The following SLC17A5 variants were observed in gnomAD, a reference collection of about 807,000 sequenced individuals.
SLC17A5 encodes sialin.
In SLC17A5, 47 loss-of-function variants were observed where a neutral mutation model predicts 59.4. The observed-to-expected ratio is 0.79, with a 90% CI of 0.63 to 1.01. SLC17A5 has a LOEUF of 1.01. Among genes scored for constraint, SLC17A5 ranks in the 50% least tolerant of loss-of-function variants. SLC17A5 has a pLI of 0.00. For missense variants in SLC17A5, 522 were observed against 595.5 expected (o/e 0.88, Z 1.28); for synonymous variants, 202 against 210.7 (o/e 0.96, Z 0.36).
Position 73,638,426 on chromosome 6 carries a change from C to G in SLC17A5, c.599G>C (p.Ser200Thr). The G allele has an allele frequency of 3.1e-6, 5 of 1,613,398 alleles. No individual in the cohort carries two copies. The highest frequency in any genetic ancestry group is 4.2e-6 in the Non-Finnish European group (5 of 1,179,402). Residue 200 changes from serine (S) to threonine (T), a missense_variant, in exon 4 of 11, where the codon AGC (serine) becomes ACC (threonine). By Grantham distance (58) the Ser-to-Thr change is moderately conservative (BLOSUM62 1). This residue lies in a region of SLC17A5 where 338 missense variants were observed against 363.8 expected (regional missense o/e 0.93). Transcript: ENST00000355773. ...APPLERSKLL[S>T]ISYAGAQLGT... ...TGTTATCTCACCTGCATATGAAATGCTAAGAAGTTTGCTTCTTTCAAGAGG... is the reference window on the plus strand; with the variant it reads ...TGTTATCTCACCTGCATATGAAATGGTAAGAAGTTTGCTTCTTTCAAGAGG...
At chr6:73,620,984 C>T (rs1458725709) in intron 7 of SLC17A5, among the ~76,000 whole-genome samples, 1 of 142,740 alleles carries the variant, frequency 7.0e-6, no homozygotes, top group East Asian at 2.1e-4. Context: ...CCTCAGCCTC[C>T]CAAAGTGCTG....
chr6:73,601,294 C>A (rs1767069751), intron 9 of SLC17A5, among the ~76,000 whole-genome samples: 1 of 133,930 alleles, frequency 7.5e-6, no homozygotes, highest in African/African-American at 2.8e-5. Flanking sequence ...AAGTGAGGAG[C>A]CCCTCCGCCC....
chr6:73,650,231 C>T (rs1456175135), intron 1 of SLC17A5, among the ~76,000 whole-genome samples: 1 of 148,992 alleles, frequency 6.7e-6, no homozygotes, highest in African/African-American at 2.5e-5. Context: ...AAAAAAAGGC[C>T]GGGCACGGTG....
Position 73,648,695 on chromosome 6 carries a change from C to T in SLC17A5, c.95-4092G>A, listed in dbSNP as rs763858674. On this transcript the variant is annotated intron_variant, in intron 1 of 10. Transcript: ENST00000355773. ...TGCCAATAAGACAAAGTACTATGTACGTATATATAAAAAGGAACAAAAGAG... is the reference window on the plus strand; with the variant it reads ...TGCCAATAAGACAAAGTACTATGTATGTATATATAAAAAGGAACAAAAGAG... 5.3e-5 allele frequency among the ~76,000 whole-genome samples: 8 copies of T among 151,912 alleles called. No individual in the cohort carries two copies. The South Asian group carries it at 1.0e-3, about 20-fold the overall frequency.
At chr6:73,641,330 T>C (rs562131) in intron 3 of SLC17A5, among the ~76,000 whole-genome samples, 66,762 of 151,998 alleles carry the variant, frequency 0.44, 15,649 homozygotes, top group African/African-American at 0.59. Context: ...CCACCTACCT[T>C]GGCCTCCCAA....
chr6:73,594,519 C>T lies in SLC17A5; in HGVS notation c.*558G>A, dbSNP rs1431798904. On this transcript the variant is annotated 3_prime_UTR_variant, in exon 11 of 11. Coordinates refer to ENST00000355773, the MANE Select transcript of SLC17A5 (RefSeq NM_012434.5). ...CTGGCTCTGGGCTTGGATGCTGCCT[C>T]TGATAAACGCTGGGCACTCTGACCC... 1.2e-5 allele frequency: 2 copies of T among 166,356 alleles called. No homozygotes were observed. Among genetic ancestry groups the T allele is most frequent in the East Asian group, 1.7e-4 (1 of 5,878 alleles). The allele number at this position is 166,356 out of a possible 1,614,324, so 10.3% of individuals were successfully genotyped here.
intron 9 of SLC17A5, among the ~76,000 whole-genome samples, chr6:73,603,875 T>G (rs1767270737): frequency 6.6e-6 from 1 of 151,940 alleles, no homozygotes; most frequent in African/African-American, 2.4e-5. Context: ...CCTAGGGGGT[T>G]CATTAGATTT....
chr6:73,644,307 C>T, intron 2 of SLC17A5, 100 bp downstream of exon 2: 2 of 964,218 alleles, frequency 2.1e-6, no homozygotes, highest in Non-Finnish European at 3.2e-6. Context: ...TATACACAAA[C>T]AAAGTATAGT....
At chr6:73,650,755 A>G (rs1035453616) in intron 1 of SLC17A5, among the ~76,000 whole-genome samples, 1 of 151,904 alleles carries the variant, frequency 6.6e-6, no homozygotes, top group African/African-American at 2.4e-5. Context: ...AGCAAAATGG[A>G]GAGGGCTGAA....
intron 10 of SLC17A5, 108 bp from the exon 11 acceptor site, chr6:73,595,322 A>C: frequency 7.9e-7 from 1 of 1,271,292 alleles, no homozygotes; most frequent in Non-Finnish European, 1.1e-6. Flanking sequence ...TATTCATAAA[A>C]GCCTCATCCT....
chr6:73,618,307 AT>A (rs1046572497), intron 7 of SLC17A5: 1 of 185,398 alleles, frequency 5.4e-6, no homozygotes, highest in Non-Finnish European at 1.1e-5. Flanking sequence ...ATAAAATAAA[AT>A]GAGTTTCTGG....
At chr6:73,644,283 A>C in intron 2 of SLC17A5, 124 bp downstream of exon 2, 1 of 762,216 alleles carries the variant, frequency 1.3e-6, no homozygotes, top group Non-Finnish European at 2.1e-6. Flanking sequence ...ACACAAAAAG[A>C]AAGTGATTCA....
At chr6:73,645,789 C>CAAAAA (rs58205870) in intron 1 of SLC17A5, among the ~76,000 whole-genome samples, 5 of 76,042 alleles carry the variant, frequency 6.6e-5, no homozygotes, top group Non-Finnish European at 1.1e-4. Flanking sequence ...GACTCCGTCT[C>CAAAAA]AAAAAAAAAA....
At chr6:73,605,747 G>C (rs1365782981) in intron 9 of SLC17A5, among the ~76,000 whole-genome samples, 1 of 151,998 alleles carries the variant, frequency 6.6e-6, no homozygotes, top group African/African-American at 2.4e-5. Flanking sequence ...GGAGGTTGAG[G>C]CTGGCGGATC....
intron 7 of SLC17A5, among the ~76,000 whole-genome samples, chr6:73,617,877 GT>G (rs564807701): frequency 5.1e-4 from 77 of 151,124 alleles, no homozygotes; most frequent in African/African-American, 1.8e-3. Flanking sequence ...ACCTTCCACA[GT>G]TGTTAAGTTT....
intron 6 of SLC17A5, among the ~76,000 whole-genome samples, chr6:73,630,763 C>T (rs910027290): frequency 2.0e-5 from 3 of 152,074 alleles, no homozygotes; most frequent in Non-Finnish European, 4.4e-5. Context: ...AAAAAGCAGT[C>T]AGGCCGGGTG....
At chr6:73,608,109 T>A (rs933514360) in intron 9 of SLC17A5, among the ~76,000 whole-genome samples, 3 of 152,150 alleles carry the variant, frequency 2.0e-5, no homozygotes, top group Non-Finnish European at 4.4e-5. Flanking sequence ...CATCTTCATG[T>A]GTTATAATGG....
intron 10 of SLC17A5, among the ~76,000 whole-genome samples, chr6:73,599,381 G>T (rs1351315179): frequency 1.3e-5 from 2 of 151,834 alleles, no homozygotes; most frequent in East Asian, 3.9e-4. Context: ...CTAAAACAGT[G>T]ATATCCTTTT....
At chr6:73,646,173 G>C (rs568664977) in intron 1 of SLC17A5, among the ~76,000 whole-genome samples, 1 of 152,270 alleles carries the variant, frequency 6.6e-6, no homozygotes, top group Non-Finnish European at 1.5e-5. Flanking sequence ...ATAAATGTGT[G>C]TATGTTTTTC....
Sources: gnomAD v4.1 joint callset for allele counts (sites outside exome capture counted in the v4.1 genomes callset) on GRCh38, gnomAD v4.1.1 for gene constraint, gnomAD v4.1.1 regional missense constraint, MANE v1.5 for transcripts, NCBI Gene and HGNC (gene_info 2026-07-23, HGNC 2026-07-21) for gene names.